Variants in CYP39A1 observed in about 807,000 individuals in gnomAD.
The protein encoded by CYP39A1 is cytochrome P450 family 39 subfamily A member 1.
CYP39A1 carries 49 observed loss-of-function variants against 58.1 expected under a neutral mutation model. The observed-to-expected ratio is 0.84, with a 90% confidence interval of 0.67 to 1.07. The LOEUF (loss-of-function observed/expected upper bound fraction) is 1.07. Among genes scored for constraint, CYP39A1 ranks in the 50% least tolerant of loss-of-function variants. CYP39A1 has a pLI of 0.00. For missense variants in CYP39A1, 531 were observed against 539.4 expected, an observed-to-expected ratio of 0.98 and a Z score of 0.16; for synonymous variants, 209 against 187.6, an observed-to-expected ratio of 1.11 and a Z score of -0.93.
Position 46,636,489 on chromosome 6 carries a change from G to A in CYP39A1, c.639-7C>T, listed in dbSNP as rs1250181732. 2 of 1,568,172 alleles carry A rather than the reference G, an allele frequency of 1.3e-6. No individual in the cohort carries two copies. Among genetic ancestry groups the A allele is most frequent in the African/African-American group, 2.7e-5 (2 of 73,140 alleles). On this transcript the variant is annotated splice_polypyrimidine_tract_variant and splice_region_variant and intron_variant, in intron 4 of 11. Transcript: ENST00000275016. ...TTTGGATTTTGACCAGTTTCTACAT[G>A]AGAAAAAATATATATAGAAATTAAT...
chr6:46,603,146 T>C (rs970956757), intron 7 of CYP39A1, among the ~76,000 whole-genome samples: 1 of 152,224 alleles, frequency 6.6e-6, no homozygotes, highest in Non-Finnish European at 1.5e-5. Context: ...TGGCAAATTA[T>C]GGCCAACAGA....
chr6:46,558,989 C>T lies in CYP39A1; in HGVS notation c.1251-5135G>A, dbSNP rs370148279. 3.9e-4 allele frequency among the ~76,000 whole-genome samples: 44 copies of T among 113,382 alleles called. 1 individual carries two copies. In the East Asian group the frequency reaches 0.012, roughly 30 times the overall value. The allele number at this position is 113,382 out of a possible 152,430, so 74.4% of individuals were successfully genotyped here. On this transcript the variant is annotated intron_variant, in intron 10 of 11. Coordinates refer to ENST00000275016, the MANE Select transcript of CYP39A1 (RefSeq NM_016593.5). The stretch of plus-strand genomic sequence containing the variant: ...CCAACCTGGTGACAGAGCAAGACTC[C>T]ATCTCAAAAAAAAAAAAAAAAAAAA...
chr6:46,634,325 T>C (rs1775834141), intron 5 of CYP39A1, among the ~76,000 whole-genome samples: 2 of 152,184 alleles, frequency 1.3e-5, no homozygotes, highest in Admixed American at 6.5e-5. Context: ...TCCCCAGCCA[T>C]GTGGAACCAT....
At chr6:46,596,552 C>G (rs1379048870) in intron 7 of CYP39A1, among the ~76,000 whole-genome samples, 1 of 151,756 alleles carries the variant, frequency 6.6e-6, no homozygotes, top group Non-Finnish European at 1.5e-5. Context: ...CTGCCTTTAC[C>G]CTTTTGAATT....
chr6:46,630,923 G>C, intron 6 of CYP39A1, 40 bp downstream of exon 6: 1 of 1,385,132 alleles, frequency 7.2e-7, no homozygotes, highest in Non-Finnish European at 1.0e-6. Flanking sequence ...TGAAAGGACA[G>C]TGGAGAGCAA....
chr6:46,554,156 T>C (rs1770550958), intron 10 of CYP39A1, among the ~76,000 whole-genome samples: 1 of 152,204 alleles, frequency 6.6e-6, no homozygotes, highest in Non-Finnish European at 1.5e-5. Flanking sequence ...ATCATAGCCA[T>C]TAGATACAAG....
intron 7 of CYP39A1, among the ~76,000 whole-genome samples, chr6:46,619,667 A>G (rs1774836343): frequency 6.6e-6 from 1 of 152,114 alleles, no homozygotes; most frequent in African/African-American, 2.4e-5. Flanking sequence ...CAGTAGGTAC[A>G]TGTCTCCAAA....
chr6:46,652,395 C>A lies in CYP39A1; in HGVS notation c.177+11G>T. ...TCTCCTCTGGAGACCCCGTCTGCCA[C>A]GACCACATACCTTGATTCTTGCTTT... is the stretch of plus-strand genomic sequence containing the variant. On this transcript the variant is annotated intron_variant, in intron 1 of 11. Transcript: ENST00000275016. 1 of 1,603,824 alleles carries A rather than the reference C, an allele frequency of 6.2e-7. No homozygotes were observed. The highest frequency in any genetic ancestry group is 8.5e-7 in the Non-Finnish European group (1 of 1,176,178).
At position 46,646,067 on chromosome 6, in the gene CYP39A1, A is replaced by G. The variant is rs533121875; in HGVS notation, c.178-3769T>C. Among the ~76,000 whole-genome samples the G allele has an allele frequency of 2.0e-5, 3 of 152,144 alleles. No homozygotes were observed. The South Asian group carries it at 6.2e-4, about 32-fold the overall frequency. On this transcript the variant is annotated intron_variant, in intron 1 of 11. Coordinates refer to ENST00000275016, the MANE Select transcript of CYP39A1 (RefSeq NM_016593.5). ...AGACAATCATGTAATCTGCAAATTAAGACAGTTTTATTTCTTATTTTCGAA... is the reference window on the plus strand; with the variant it reads ...AGACAATCATGTAATCTGCAAATTAGGACAGTTTTATTTCTTATTTTCGAA...
At chr6:46,637,747 CT>C in intron 4 of CYP39A1, 81 bp downstream of exon 4, 1 of 1,454,686 alleles carries the variant, frequency 6.9e-7, no homozygotes, top group Non-Finnish European at 9.4e-7. Flanking sequence ...GCTGTTACAT[CT>C]ACTTAGAACA....
At chr6:46,596,681 T>C (rs1017128370) in intron 7 of CYP39A1, among the ~76,000 whole-genome samples, 7 of 151,982 alleles carry the variant, frequency 4.6e-5, no homozygotes, top group African/African-American at 1.7e-4. Context: ...TGCATCAAAC[T>C]TTCTTAACGT....
chr6:46,583,103 AAAG>A (rs1438952570), intron 10 of CYP39A1: 3 of 985,272 alleles, frequency 3.0e-6, no homozygotes, highest in Non-Finnish European at 3.6e-6. Flanking sequence ...ACATACACAA[AAAG>A]TAAAAATCAC....
In CYP39A1 at chr6:46,648,429, A is replaced by G. The variant is rs1454601633; in HGVS notation, c.177+3977T>C. On this transcript the variant is annotated intron_variant, in intron 1 of 11. Coordinates refer to ENST00000275016, the MANE Select transcript of CYP39A1 (RefSeq NM_016593.5). ...TCACAAGGACAAAAAATCAAACACC[A>G]CATGTTCTCACTCATAGGCGGGAAT... is the stretch of plus-strand genomic sequence containing the variant. Among the ~76,000 whole-genome samples the G allele has an allele frequency of 4.0e-5, 6 of 149,070 alleles. No homozygotes were observed. In the Admixed American group the frequency reaches 4.1e-4, roughly 10 times the overall value.
At chr6:46,594,318 A>C (rs1418734625) in intron 8 of CYP39A1, among the ~76,000 whole-genome samples, 1 of 152,086 alleles carries the variant, frequency 6.6e-6, no homozygotes, top group Non-Finnish European at 1.5e-5. Flanking sequence ...TTCTAATGAC[A>C]TTTTTACAGA....
At chr6:46,649,507 T>C (rs1016585698) in intron 1 of CYP39A1, among the ~76,000 whole-genome samples, 2 of 152,240 alleles carry the variant, frequency 1.3e-5, no homozygotes, top group East Asian at 1.9e-4. Context: ...ACTTATTAAA[T>C]AAATGTAGCC....
Position 46,630,956 on chromosome 6 carries a change from T to C in CYP39A1, c.840+7A>G. Reference sequence around the variant, plus strand: ...CAACGTAACTCATACTTTACTAATATACTTACAGGAACAGCATTAGACAGA... The same window carrying C: ...CAACGTAACTCATACTTTACTAATACACTTACAGGAACAGCATTAGACAGA... On this transcript the variant is annotated splice_region_variant and intron_variant, in intron 6 of 11. Transcript: ENST00000275016. The C allele has an allele frequency of 1.3e-6, 2 of 1,597,782 alleles. No individual in the cohort carries two copies. Among genetic ancestry groups the C allele is most frequent in the Admixed American group, 1.7e-5 (1 of 59,712 alleles).
intron 10 of CYP39A1, among the ~76,000 whole-genome samples, chr6:46,577,959 C>T (rs1172861311): frequency 1.3e-5 from 2 of 151,970 alleles, no homozygotes; most frequent in Admixed American, 1.3e-4. Context: ...ATACTCTACC[C>T]AACAACAGAA....
At chr6:46,565,796 A>G (rs1004671273) in intron 10 of CYP39A1, among the ~76,000 whole-genome samples, 1 of 152,168 alleles carries the variant, frequency 6.6e-6, no homozygotes, top group Admixed American at 6.5e-5. Context: ...CAGTCAGATC[A>G]TGCTTCCCGA....
At chr6:46,564,931 G>A (rs1381967389) in intron 10 of CYP39A1, among the ~76,000 whole-genome samples, 1 of 152,182 alleles carries the variant, frequency 6.6e-6, no homozygotes, top group Admixed American at 6.5e-5. Context: ...AGTTAAAGCG[G>A]AAGTATGGCA....
Sources: gnomAD v4.1 joint callset for allele counts (sites outside exome capture counted in the v4.1 genomes callset) on GRCh38, gnomAD v4.1.1 for gene constraint, MANE v1.5 for transcripts, NCBI Gene and HGNC (gene_info 2026-07-23, HGNC 2026-07-21) for gene names.